Variants in USH2A observed in about 807,000 individuals in gnomAD.
USH2A encodes the protein usherin.
Under a neutral mutation model 538.9 loss-of-function variants are expected in USH2A, and 443 were observed. That is an observed-to-expected ratio of 0.82 (90% CI 0.76 to 0.89). The LOEUF is 0.89. Among genes scored for constraint, USH2A ranks in the 40% least tolerant of loss-of-function variants. The pLI is 0.00. For synonymous variants in USH2A, 2,413 were observed against 2,273.5 expected (o/e 1.06, Z -1.75); for missense variants, 6,633 against 6,324.8 (o/e 1.05, Z -1.65).
chr1:215,641,238 T>C (rs1407971195), intron 67 of USH2A, among the ~76,000 whole-genome samples: 2 of 152,226 alleles, frequency 1.3e-5, no homozygotes, highest in African/African-American at 2.4e-5. Flanking sequence ...GCTTAGATGG[T>C]GAATTACGTC....
rs1400087746 is a variant in USH2A, at chr1:215,996,601, G to A, written c.6657+2286C>T. Among the ~76,000 whole-genome samples, 4 of 90,516 alleles carry A rather than the reference G, an allele frequency of 4.4e-5. No individual in the cohort carries two copies. The East Asian group carries it at 9.7e-4, about 22-fold the overall frequency. The allele number at this position is 90,516 out of a possible 152,430, so 59.4% of individuals were successfully genotyped here. On this transcript the variant is annotated intron_variant, in intron 34 of 71. Transcript: ENST00000307340. Reference sequence around the variant, plus strand: ...TTTTTTTTTTTTTTTTTTTTGCAGTGGAAAGAGTATGTTTTGGAACCACAC... The same window carrying A: ...TTTTTTTTTTTTTTTTTTTTGCAGTAGAAAGAGTATGTTTTGGAACCACAC...
chr1:215,694,151 G>T (rs1287429398), intron 61 of USH2A, among the ~76,000 whole-genome samples: 1 of 152,176 alleles, frequency 6.6e-6, no homozygotes, highest in Non-Finnish European at 1.5e-5. Flanking sequence ...AAAGTCCATA[G>T]GGCCCAAATG....
chr1:216,327,534 G>A (rs1432046870), intron 5 of USH2A, 57 bp downstream of exon 5: 3 of 1,580,728 alleles, frequency 1.9e-6, no homozygotes, highest in Non-Finnish European at 2.6e-6. Flanking sequence ...TCTTATTTAA[G>A]TGAATTCAGC....
chr1:216,205,771 T>A lies in USH2A; in HGVS notation c.3316+1502A>T, dbSNP rs568967216. 2.5e-4 allele frequency among the ~76,000 whole-genome samples: 38 copies of A among 152,282 alleles called. 1 individual carries two copies. The highest frequency in any genetic ancestry group is 8.7e-4 in the African/African-American group (36 of 41,566). On this transcript the variant is annotated intron_variant, in intron 16 of 71. Transcript: ENST00000307340. Reference sequence around the variant, plus strand: ...TTGGAATTGCTGTTCCGAGGTTTCTTAAACTAGTGTGTAGCTAAACATGGC... The same window carrying A: ...TTGGAATTGCTGTTCCGAGGTTTCTAAAACTAGTGTGTAGCTAAACATGGC...
chr1:215,842,502 A>T (rs1016146485), intron 46 of USH2A, among the ~76,000 whole-genome samples: 1 of 152,194 alleles, frequency 6.6e-6, no homozygotes, highest in Non-Finnish European at 1.5e-5. Context: ...TAAAGATACA[A>T]GCACATATAT....
At chr1:215,739,474 A>G (rs923994859) in intron 60 of USH2A, among the ~76,000 whole-genome samples, 7 of 152,348 alleles carry the variant, frequency 4.6e-5, no homozygotes, top group Admixed American at 4.6e-4. Context: ...GTCCTGGTCT[A>G]TAACAGATAC....
chr1:216,142,542 G>A (rs2033621852), intron 21 of USH2A, among the ~76,000 whole-genome samples: 1 of 152,084 alleles, frequency 6.6e-6, no homozygotes, highest in African/African-American at 2.4e-5. Flanking sequence ...TAGCAGTTTT[G>A]TCTATCTAAT....
intron 32 of USH2A, among the ~76,000 whole-genome samples, chr1:216,024,049 C>G (rs1405452279): frequency 1.3e-5 from 2 of 151,996 alleles, no homozygotes; most frequent in East Asian, 3.9e-4. Flanking sequence ...TGATTAATAA[C>G]CATATAATCA....
rs372053865 is a variant in USH2A at position 216,421,988 on chromosome 1, G to T, written c.349C>A (p.His117Asn). Residue 117 changes from histidine to asparagine, a missense_variant, in exon 2 of 72, where the codon CAT becomes AAT. Coordinates refer to ENST00000307340, the MANE Select transcript of USH2A (RefSeq NM_206933.4). ...GCAGAATTGCTATGGGCGTTAGGAT[G>T]CAGATCATTCTTGTCTGGTGTGATG... ...SCITPDKNDL[H>N]PNAHSNSASF... is the part of the protein sequence containing the mutation. The T allele has an allele frequency of 6.2e-7, 1 of 1,613,952 alleles. No homozygotes were observed. The highest frequency in any genetic ancestry group is 2.2e-5 in the East Asian group (1 of 44,866).
intron 55 of USH2A, among the ~76,000 whole-genome samples, chr1:215,777,782 C>G (rs1308324745): frequency 6.6e-6 from 1 of 152,210 alleles, no homozygotes; most frequent in African/African-American, 2.4e-5. Flanking sequence ...CAGATACAGG[C>G]AGTGAATGCC....
intron 60 of USH2A, among the ~76,000 whole-genome samples, chr1:215,736,278 T>A (rs1660152791): frequency 6.6e-6 from 1 of 152,162 alleles, no homozygotes; most frequent in Non-Finnish European, 1.5e-5. Context: ...CCTTGAATCC[T>A]ATGCTTATGT....
At chr1:215,865,213 C>T (rs1043511297) in intron 44 of USH2A, among the ~76,000 whole-genome samples, 3 of 152,104 alleles carry the variant, frequency 2.0e-5, no homozygotes, top group Admixed American at 6.5e-5. Flanking sequence ...AACAAGCTTT[C>T]GCAAGACTGA....
chr1:215,860,173 C>T (rs1381083060), intron 44 of USH2A, among the ~76,000 whole-genome samples: 1 of 152,212 alleles, frequency 6.6e-6, no homozygotes, highest in Non-Finnish European at 1.5e-5. Flanking sequence ...GCTTCTTGTA[C>T]AGTCTGCAGA....
At chr1:216,029,055 T>C (rs1413983219) in intron 32 of USH2A, among the ~76,000 whole-genome samples, 2 of 152,140 alleles carry the variant, frequency 1.3e-5, no homozygotes, top group East Asian at 1.9e-4. Context: ...ATTTAAAATT[T>C]ACCATTTTGT....
At chr1:215,999,881 A>T (rs1305585609) in intron 33 of USH2A, among the ~76,000 whole-genome samples, 1 of 152,126 alleles carries the variant, frequency 6.6e-6, no homozygotes, top group African/African-American at 2.4e-5. Flanking sequence ...AAATATGAAC[A>T]AGTATTAACT....
chr1:215,932,803 T>G (rs182684195), intron 38 of USH2A, among the ~76,000 whole-genome samples: 1 of 152,038 alleles, frequency 6.6e-6, no homozygotes, highest in Non-Finnish European at 1.5e-5. Context: ...AAGATGAAGA[T>G]AAGCCTCAGT....
At position 216,324,242 on chromosome 1, in the gene USH2A, A is replaced by G. The variant is rs2037680772; in HGVS notation, c.1254T>C (p.Asn418=). The change falls in exon 7 of 72, where the codon AAT becomes AAC. Residue 418 remains asparagine, a synonymous_variant. Transcript: ENST00000307340. ...TGTTTTTCATTCCAAAAGCACCACA[A>G]TTCCTGGCAAAATATTGCCAGTCCT... The part of the protein sequence containing the change: ...DWEDWQYFAR[N]CGAFGMKNNG... 1.2e-6 allele frequency: 2 copies of G among 1,613,476 alleles called. No homozygotes were observed. Among genetic ancestry groups the G allele is most frequent in the South Asian group, 2.2e-5 (2 of 91,066 alleles).
chr1:216,342,163 C>G (rs1482172861), intron 4 of USH2A, among the ~76,000 whole-genome samples: 1 of 151,882 alleles, frequency 6.6e-6, no homozygotes. Flanking sequence ...GAAAACAACC[C>G]CATCAAAAAG....
In USH2A at chr1:216,070,186, A is replaced by G; in HGVS notation, c.5964T>C (p.Ile1988=). 1.2e-6 allele frequency: 2 copies of G among 1,613,976 alleles called. No homozygotes were observed. Among genetic ancestry groups the G allele is most frequent in the South Asian group, 1.1e-5 (1 of 91,084 alleles). ...TGCTGTCCTCACTATAGGCTTTCAGAATGTACTTCTCAATTACACCTCTGA... is the reference window on the plus strand; with the variant it reads ...TGCTGTCCTCACTATAGGCTTTCAGGATGTACTTCTCAATTACACCTCTGA... The part of the protein sequence containing the change: ...PVVRGVIEKY[I]LKAYSEDSTR... The change falls in exon 30 of 72, where the codon ATT becomes ATC. Residue 1988 remains isoleucine (I), a synonymous_variant. Transcript: ENST00000307340.
Sources: allele counts gnomAD v4.1 joint callset (sites outside exome capture counted in the v4.1 genomes callset), GRCh38; gene constraint gnomAD v4.1.1; transcripts MANE v1.5; gene names NCBI Gene and HGNC (gene_info 2026-07-23, HGNC 2026-07-21).